The following MTA3 variants were observed in gnomAD, a reference collection of about 807,000 sequenced individuals.
MTA3 encodes the protein metastasis-associated protein MTA3.
In MTA3, 34 loss-of-function variants were observed where a neutral mutation model predicts 83.5. The ratio of observed to expected loss-of-function variants is 0.41; its 90% CI spans 0.31 to 0.54. The LOEUF is 0.54. Ranked by LOEUF, MTA3 falls within the 20% of genes least tolerant of loss-of-function variation. The pLI, the probability that MTA3 is intolerant of heterozygous loss-of-function variation, is 0.33. For missense variants in MTA3, 761 were observed against 726.4 expected (o/e 1.05, Z -0.55); for synonymous variants, 303 against 252.7 (o/e 1.20, Z -1.89).
At chr2:42,651,867 G>A (rs1319716609) in intron 6 of MTA3, among the ~76,000 whole-genome samples, 1 of 151,926 alleles carries the variant, frequency 6.6e-6, no homozygotes, top group African/African-American at 2.4e-5. Context: ...GCCGAGTTGG[G>A]TGGATCGCCT....
At chr2:42,651,899 G>C (rs925693531) in intron 6 of MTA3, among the ~76,000 whole-genome samples, 4 of 151,812 alleles carry the variant, frequency 2.6e-5, no homozygotes, top group Non-Finnish European at 5.9e-5. Flanking sequence ...TTCAAGACTA[G>C]CCTGGCCAAC....
intron 2 of MTA3, among the ~76,000 whole-genome samples, chr2:42,497,212 A>G (rs2103632128): frequency 6.6e-6 from 1 of 152,080 alleles, no homozygotes; most frequent in East Asian, 1.9e-4. Context: ...TCTTGAAACT[A>G]GAGGTTTTCA....
chr2:42,652,065 C>G (rs1381789617), intron 6 of MTA3, among the ~76,000 whole-genome samples: 1 of 151,768 alleles, frequency 6.6e-6, no homozygotes, highest in Non-Finnish European at 1.5e-5. Flanking sequence ...GCATTGCACT[C>G]CAGGGTGGGC....
rs142972734 is a variant in MTA3 at position 42,611,243 on chromosome 2, A to T, written c.317+1659A>T. On this transcript the variant is annotated intron_variant, in intron 4 of 16. Coordinates refer to ENST00000405094, the MANE Select transcript of MTA3 (RefSeq NM_001330442.2). Reference sequence around the variant, plus strand: ...CGTGATCCACCCGCCTCAGCCTTCCAAAGTGCTGGGATTATAGGTGTGAGC... The same window carrying T: ...CGTGATCCACCCGCCTCAGCCTTCCTAAGTGCTGGGATTATAGGTGTGAGC... 1.4e-3 allele frequency among the ~76,000 whole-genome samples: 214 copies of T among 151,992 alleles called. 3 individuals carry two copies. The East Asian group carries it at 0.024, about 17-fold the overall frequency.
chr2:42,662,482 A>G (rs2104381145), intron 8 of MTA3, among the ~76,000 whole-genome samples: 1 of 151,858 alleles, frequency 6.6e-6, no homozygotes, highest in Non-Finnish European at 1.5e-5. Flanking sequence ...TAATTGTCCC[A>G]GTACCATTTA....
chr2:42,536,932 G>C (rs949487401), intron 2 of MTA3, among the ~76,000 whole-genome samples: 2 of 150,968 alleles, frequency 1.3e-5, no homozygotes, highest in Non-Finnish European at 2.9e-5. Flanking sequence ...CAGGTATCCC[G>C]GATCACCTGG....
At chr2:42,543,685 T>C (rs1433511106) in intron 2 of MTA3, among the ~76,000 whole-genome samples, 3 of 146,580 alleles carry the variant, frequency 2.0e-5, no homozygotes, top group African/African-American at 7.6e-5. Context: ...AGGGTCTTAC[T>C]CTGTTGCCCA....
chr2:42,725,999 C>G (rs891198580), intron 16 of MTA3, among the ~76,000 whole-genome samples: 1 of 152,116 alleles, frequency 6.6e-6, no homozygotes, highest in Non-Finnish European at 1.5e-5. Flanking sequence ...GGTATAGGAT[C>G]CTGATTAACC....
chr2:42,590,381 T>G (rs1197645726), intron 3 of MTA3, among the ~76,000 whole-genome samples: 1 of 152,184 alleles, frequency 6.6e-6, no homozygotes, highest in African/African-American at 2.4e-5. Context: ...CCTCCAACCT[T>G]GCTTCCTTTC....
At chr2:42,593,274 G>T (rs1308893976) in intron 3 of MTA3, among the ~76,000 whole-genome samples, 2 of 151,800 alleles carry the variant, frequency 1.3e-5, no homozygotes, top group South Asian at 4.2e-4. Context: ...ATCACTTGAG[G>T]TTAGGACATT....
intron 3 of MTA3, among the ~76,000 whole-genome samples, chr2:42,585,151 C>T (rs1174936249): frequency 2.6e-5 from 4 of 151,282 alleles, no homozygotes; most frequent in Non-Finnish European, 5.9e-5. Flanking sequence ...TGCAATGGCG[C>T]GATCTCCGGC....
chr2:42,621,519 A>AT (rs1414738807), intron 4 of MTA3, among the ~76,000 whole-genome samples: 10 of 152,212 alleles, frequency 6.6e-5, no homozygotes, highest in African/African-American at 1.7e-4. Flanking sequence ...GGAGTCTCCT[A>AT]TGTCTACTTC....
intron 2 of MTA3, among the ~76,000 whole-genome samples, chr2:42,498,988 T>A (rs760275707): frequency 6.6e-6 from 1 of 152,118 alleles, no homozygotes; most frequent in African/African-American, 2.4e-5. Flanking sequence ...AATAGCACTA[T>A]GAGGTTATCC....
At chr2:42,611,942 C>G (rs1360308703) in intron 4 of MTA3, among the ~76,000 whole-genome samples, 2 of 152,178 alleles carry the variant, frequency 1.3e-5, no homozygotes, top group Non-Finnish European at 2.9e-5. Flanking sequence ...GCTGGGACTA[C>G]AAGTGCTTTC....
chr2:42,591,545 G>A (rs1454093737), intron 3 of MTA3, among the ~76,000 whole-genome samples: 4 of 152,044 alleles, frequency 2.6e-5, no homozygotes, highest in African/African-American at 9.7e-5. Context: ...TTTGACTCTT[G>A]TAATAACAAC....
rs886923104 is a variant in MTA3 at position 42,708,743 on chromosome 2, T to C, written c.1303-131T>C. 1.5e-5 allele frequency: 14 copies of C among 907,626 alleles called. No homozygotes were observed. In the African/African-American group the frequency reaches 2.0e-4, roughly 13 times the overall value. The allele number at this position is 907,626 out of a possible 1,614,324, so 56.2% of individuals were successfully genotyped here. ...CTTTAATTCTCTCTTTTAGAGGTAG[T>C]GCACCAAGTGACGTTATAGATGCTT... is the stretch of plus-strand genomic sequence containing the variant. On this transcript the variant is annotated intron_variant, in intron 13 of 16. Coordinates refer to ENST00000405094, the MANE Select transcript of MTA3 (RefSeq NM_001330442.2).
At position 42,608,111 on chromosome 2, in the gene MTA3, A is replaced by T. The variant is rs746570093; in HGVS notation, c.191-1347A>T. Among the ~76,000 whole-genome samples, 10 of 152,348 alleles carry T rather than the reference A, an allele frequency of 6.6e-5. No homozygotes were observed. The Middle Eastern group carries it at 0.014, about 207-fold the overall frequency. On this transcript the variant is annotated intron_variant, in intron 3 of 16. Transcript: ENST00000405094. The stretch of plus-strand genomic sequence containing the variant: ...TTTTGGTCCTTTTTATGGTGAACCA[A>T]GGGATCGTATAAGAACGTAAGATTT...
chr2:42,529,318 C>T (rs1330548427), intron 2 of MTA3, among the ~76,000 whole-genome samples: 1 of 152,138 alleles, frequency 6.6e-6, no homozygotes, highest in Non-Finnish European at 1.5e-5. Context: ...AATCTGGGAG[C>T]TTCGCAGGGC....
At chr2:42,613,048 C>T (rs1684417437) in intron 4 of MTA3, among the ~76,000 whole-genome samples, 1 of 152,076 alleles carries the variant, frequency 6.6e-6, no homozygotes, top group South Asian at 2.1e-4. Flanking sequence ...AACAGATTGC[C>T]TGGAATGGAA....
Sources: gnomAD v4.1 joint callset for allele counts (sites outside exome capture counted in the v4.1 genomes callset) on GRCh38, gnomAD v4.1.1 for gene constraint, MANE v1.5 for transcripts, NCBI Gene and HGNC (gene_info 2026-07-23, HGNC 2026-07-21) for gene names.